Variants in KCNJ3 observed in about 807,000 individuals in gnomAD.
KCNJ3 encodes potassium inwardly rectifying channel subfamily J member 3.
KCNJ3 carries 4 observed loss-of-function variants against 39.2 expected under a neutral mutation model. The observed-to-expected ratio is 0.10, with a 90% CI of 0.05 to 0.23. The LOEUF is 0.23. KCNJ3 is among the 10% of genes least tolerant of loss of function. The pLI is 1.00. For synonymous variants in KCNJ3, 230 were observed against 237.4 expected (o/e 0.97, Z 0.29); for missense variants, 276 against 634.9 (o/e 0.43, Z 6.08).
intron 2 of KCNJ3, among the ~76,000 whole-genome samples, chr2:154,845,842 T>C (rs1041537497): frequency 1.3e-5 from 2 of 151,996 alleles, no homozygotes; most frequent in African/African-American, 4.8e-5. Context: ...ATGTGGCATG[T>C]GCCTGTAGTC....
At chr2:154,805,820 TA>T (rs1337439277) in intron 2 of KCNJ3, among the ~76,000 whole-genome samples, 1 of 152,120 alleles carries the variant, frequency 6.6e-6, no homozygotes, top group African/African-American at 2.4e-5. Flanking sequence ...AAATAGGATT[TA>T]AAAAAATTAT....
intron 1 of KCNJ3, among the ~76,000 whole-genome samples, chr2:154,702,175 C>T (rs1684911248): frequency 6.6e-6 from 1 of 151,888 alleles, no homozygotes; most frequent in Admixed American, 6.6e-5. Context: ...CACACAATTT[C>T]CCCCTTTTAA....
intron 2 of KCNJ3, among the ~76,000 whole-genome samples, chr2:154,805,455 C>G (rs1686894146): frequency 1.3e-5 from 2 of 151,848 alleles, no homozygotes; most frequent in Admixed American, 1.3e-4. Flanking sequence ...ATTTGCTTTT[C>G]TCTCCTTCTG....
At chr2:154,760,629 GT>G (rs563572762) in intron 2 of KCNJ3, among the ~76,000 whole-genome samples, 1 of 151,874 alleles carries the variant, frequency 6.6e-6, no homozygotes, top group Middle Eastern at 3.4e-3. Context: ...TCGTGGTCTG[GT>G]GTAGCCTCAA....
chr2:154,784,149 A>T (rs1362925072), intron 2 of KCNJ3, among the ~76,000 whole-genome samples: 1 of 152,194 alleles, frequency 6.6e-6, no homozygotes, highest in African/African-American at 2.4e-5. Context: ...GATAATGTTA[A>T]CTCAAAGATT....
At chr2:154,740,402 C>T (rs967163312) in intron 2 of KCNJ3, among the ~76,000 whole-genome samples, 3 of 151,946 alleles carry the variant, frequency 2.0e-5, no homozygotes, top group African/African-American at 4.8e-5. Context: ...ATTTTAGTAG[C>T]GTAACTATTT....
chr2:154,701,819 T>A (rs1236087623), intron 1 of KCNJ3, among the ~76,000 whole-genome samples: 1 of 152,078 alleles, frequency 6.6e-6, no homozygotes, highest in Non-Finnish European at 1.5e-5. Flanking sequence ...ATTCTCCCCA[T>A]GGCGAAGGGA....
chr2:154,750,464 C>A (rs1347736604), intron 2 of KCNJ3, among the ~76,000 whole-genome samples: 1 of 151,878 alleles, frequency 6.6e-6, no homozygotes, highest in Non-Finnish European at 1.5e-5. Context: ...GTAACTTATT[C>A]CAAAACTGAT....
chr2:154,854,845 T>C lies in KCNJ3; in HGVS notation c.1038T>C (p.His346=), dbSNP rs17642086. 0.31 allele frequency: 500,154 copies of C among 1,613,570 alleles called. 82,959 individuals carry two copies. Among genetic ancestry groups the C allele is most frequent in the Non-Finnish European group, 0.35 (408,204 of 1,179,718 alleles). ...GFFKVDYSQF[H]ATFEVPTPPY... is the part of the protein sequence containing the mutation. Reference sequence around the variant, plus strand: ...TTAAAGTTGATTACTCCCAGTTCCATGCAACATTTGAAGTCCCCACCCCAC... The same window carrying C: ...TTAAAGTTGATTACTCCCAGTTCCACGCAACATTTGAAGTCCCCACCCCAC... Residue 346 remains histidine (H), a synonymous_variant, in exon 3 of 3, where the codon CAT becomes CAC. Coordinates refer to ENST00000295101, the MANE Select transcript of KCNJ3 (RefSeq NM_002239.4).
chr2:154,833,679 G>A (rs1477693031), intron 2 of KCNJ3, among the ~76,000 whole-genome samples: 2 of 152,060 alleles, frequency 1.3e-5, no homozygotes, highest in African/African-American at 4.8e-5. Flanking sequence ...AAAAATCTCT[G>A]GTATTCTATC....
At chr2:154,773,461 T>C (rs902331232) in intron 2 of KCNJ3, among the ~76,000 whole-genome samples, 3 of 152,066 alleles carry the variant, frequency 2.0e-5, no homozygotes, top group Admixed American at 1.3e-4. Context: ...ATTGGGTATG[T>C]AGGGTTTAGG....
chr2:154,830,338 C>A (rs1687341918), intron 2 of KCNJ3, among the ~76,000 whole-genome samples: 1 of 152,048 alleles, frequency 6.6e-6, no homozygotes, highest in Non-Finnish European at 1.5e-5. Context: ...TTCTCATATT[C>A]CTGAAAAAGT....
intron 2 of KCNJ3, among the ~76,000 whole-genome samples, chr2:154,809,938 C>T (rs977888544): frequency 1.3e-4 from 19 of 151,954 alleles, no homozygotes; most frequent in Non-Finnish European, 2.6e-4. Flanking sequence ...TGGATATACA[C>T]ACATACATGC....
At chr2:154,758,565 G>A (rs1171057363) in intron 2 of KCNJ3, among the ~76,000 whole-genome samples, 1 of 152,078 alleles carries the variant, frequency 6.6e-6, no homozygotes, top group African/African-American at 2.4e-5. Flanking sequence ...TAGAAAAAAT[G>A]TCCTTACATG....
At chr2:154,700,998 T>C (rs1338336400) in intron 1 of KCNJ3, among the ~76,000 whole-genome samples, 2 of 152,306 alleles carry the variant, frequency 1.3e-5, no homozygotes, top group Non-Finnish European at 2.9e-5. Flanking sequence ...TTAATTTCAA[T>C]GAACTGCATA....
At chr2:154,761,066 T>TC (rs1686034075) in intron 2 of KCNJ3, among the ~76,000 whole-genome samples, 1 of 148,478 alleles carries the variant, frequency 6.7e-6, no homozygotes, top group Admixed American at 6.7e-5. Context: ...TTTTTTCTTT[T>TC]TTTTTTTTTT....
chr2:154,794,171 T>A lies in KCNJ3; in HGVS notation c.920-60556T>A, dbSNP rs1686683385. Among the ~76,000 whole-genome samples the A allele has an allele frequency of 3.3e-5, 5 of 152,102 alleles. No individual in the cohort carries two copies. The South Asian group carries it at 8.3e-4, about 25-fold the overall frequency. ...TTGGGTAAGAATTTCAATTGCTTTA[T>A]TTTTAGGAAGCTGGTCAGATAAAGT... is the stretch of plus-strand genomic sequence containing the variant. On this transcript the variant is annotated intron_variant, in intron 2 of 2. Transcript: ENST00000295101.
rs1448808411 is a variant in KCNJ3, at chr2:154,856,836, G to T, written c.*1523G>T. On this transcript the variant is annotated 3_prime_UTR_variant, in exon 3 of 3. Coordinates refer to ENST00000295101, the MANE Select transcript of KCNJ3 (RefSeq NM_002239.4). The stretch of plus-strand genomic sequence containing the variant: ...CAGACTTTTATGAAAATTTAAAAGT[G>T]CTCCTTAACAGAATATCATGGGTTT... 6.6e-6 allele frequency: 1 copy of T among 152,006 alleles called. No individual in the cohort carries two copies. The highest frequency in any genetic ancestry group is 2.4e-5 in the African/African-American group (1 of 41,384). 9.4% of individuals were successfully genotyped at this position (152,006 alleles called of 1,614,324 possible). A position where few individuals can be genotyped will look rare whatever the true frequency, so the allele number is the denominator to read the frequency against.
chr2:154,705,344 A>T (rs1199044787), intron 1 of KCNJ3, among the ~76,000 whole-genome samples: 1 of 152,110 alleles, frequency 6.6e-6, no homozygotes, highest in Non-Finnish European at 1.5e-5. Context: ...TCATGTATGT[A>T]TATGTATGTG....
Sources: allele counts gnomAD v4.1 joint callset (sites outside exome capture counted in the v4.1 genomes callset), GRCh38; gene constraint gnomAD v4.1.1; transcripts MANE v1.5; gene names NCBI Gene and HGNC (gene_info 2026-07-23, HGNC 2026-07-21).